Variants in DMD observed in about 807,000 individuals in gnomAD.
DMD encodes mutant dystrophin.
A neutral mutation model predicts 330.1 loss-of-function variants in DMD; 63 were observed. That is an observed-to-expected ratio of 0.19 (90% CI 0.16 to 0.24). The LOEUF is 0.24. Ranked by LOEUF, DMD falls within the 10% of genes least tolerant of loss-of-function variation. The pLI, the probability that DMD is intolerant of heterozygous loss-of-function variation, is 1.00. For missense variants in DMD, 3,344 were observed against 2,684.1 expected (o/e 1.25, Z -5.43); for synonymous variants, 1,223 against 959.8 (o/e 1.27, Z -5.07).
rs149671856 is a variant in DMD, at chrX:32,538,784, C to T, written c.2168+6375G>A. On this transcript the variant is annotated intron_variant, in intron 17 of 78. Coordinates refer to ENST00000357033, the MANE Select transcript of DMD (RefSeq NM_004006.3). ...TTAGAATTAGAAACTCTGGTGACTC[C>T]GACGCATGCTGAAGCATGAGAACCA... Among the ~76,000 whole-genome samples the T allele has an allele frequency of 5.9e-3, 653 of 111,015 alleles. 7 individuals are homozygous for T. Among genetic ancestry groups the T allele is most frequent in the African/African-American group, 0.02 (617 of 30,520 alleles).
rs1282811179 is a variant in DMD, at chrX:31,816,759, C to T, written c.7309+3216G>A. On this transcript the variant is annotated intron_variant, in intron 50 of 78. Coordinates refer to ENST00000357033, the MANE Select transcript of DMD (RefSeq NM_004006.3). ...GTTGTAGTAAACCGAGATCGCACCA[C>T]TGCACTCCAGCCTGGGCAACAGAGC... Among the ~76,000 whole-genome samples the T allele has an allele frequency of 4.0e-5, 4 of 98,793 alleles. No homozygotes were observed. The Admixed American group carries it at 4.5e-4, about 11-fold the overall frequency. 85.8% of individuals were successfully genotyped at this position (98,793 alleles called of 115,157 possible). A position where few individuals can be genotyped will look rare whatever the true frequency, so the allele number is the denominator to read the frequency against.
At chrX:32,949,372 A>AGATG (rs1483235347) in intron 2 of DMD, among the ~76,000 whole-genome samples, 11 of 107,673 alleles carry the variant, frequency 1.0e-4, no homozygotes, top group Non-Finnish European at 1.9e-4. Flanking sequence ...ATAGATAGAT[A>AGATG]GATAGATAGA....
intron 9 of DMD, among the ~76,000 whole-genome samples, chrX:32,649,466 G>C (rs1412236048): frequency 1.9e-5 from 2 of 105,598 alleles, no homozygotes; most frequent in Non-Finnish European, 3.8e-5. Flanking sequence ...GGTAGGAGGA[G>C]AAAGGCGTGA....
At chrX:32,749,583 G>A (rs901081155) in intron 7 of DMD, among the ~76,000 whole-genome samples, 7 of 112,038 alleles carry the variant, frequency 6.2e-5, no homozygotes, top group African/African-American at 2.3e-4. Context: ...ATTTTCCTAA[G>A]GAAATGGAAA....
At position 32,823,508 on chromosome X, in the gene DMD, G is replaced by C. The variant is rs1421162315; in HGVS notation, c.265-121C>G. ...CTATTTTCAGAGACTTAGCATTGAAGCTTTTTGAAAATAATCTAAAAATTA... is the reference window on the plus strand; with the variant it reads ...CTATTTTCAGAGACTTAGCATTGAACCTTTTTGAAAATAATCTAAAAATTA... On this transcript the variant is annotated intron_variant, in intron 4 of 78. Transcript: ENST00000357033. 5.8e-6 allele frequency: 3 copies of C among 514,642 alleles called. No homozygotes were observed. In the East Asian group the frequency reaches 1.1e-4, roughly 19 times the overall value. The allele number at this position is 514,642 out of a possible 1,213,427, so 42.4% of individuals were successfully genotyped here. A position where few individuals can be genotyped will look rare whatever the true frequency, so the allele number is the denominator to read the frequency against.
chrX:31,788,530 TAAG>T (rs2149302763), intron 50 of DMD, among the ~76,000 whole-genome samples: 1 of 111,652 alleles, frequency 9.0e-6, no homozygotes, highest in East Asian at 2.8e-4. Flanking sequence ...GTGCACTTGA[TAAG>T]AATGTATATT....
chrX:31,426,468 T>A (rs1300353783), intron 60 of DMD, among the ~76,000 whole-genome samples: 1 of 112,463 alleles, frequency 8.9e-6, no homozygotes, highest in Non-Finnish European at 1.9e-5. Context: ...GGCAAATATA[T>A]TATGAAGTCT....
chrX:32,004,743 A>G (rs2095649696), intron 44 of DMD, among the ~76,000 whole-genome samples: 1 of 111,231 alleles, frequency 9.0e-6, no homozygotes, highest in African/African-American at 3.3e-5. Flanking sequence ...TCTGCCAAAC[A>G]GATGCAGTAT....
rs189492871 is a variant in DMD, at chrX:33,089,967, G to A, written c.32-69767C>T. Among the ~76,000 whole-genome samples, 23 of 111,647 alleles carry A rather than the reference G, an allele frequency of 2.1e-4. No individual in the cohort carries two copies. In the Admixed American group the frequency reaches 2.1e-3, roughly 10 times the overall value. ...CAATCATACAACTATGAAGTTCCCT[G>A]ACATATTTAAGTATGTATCTATAAA... On this transcript the variant is annotated intron_variant, in intron 1 of 78. Transcript: ENST00000357033.
chrX:32,618,188 T>C (rs781653143), intron 11 of DMD, among the ~76,000 whole-genome samples: 1 of 112,086 alleles, frequency 8.9e-6, no homozygotes, highest in Non-Finnish European at 1.9e-5. Flanking sequence ...GGAATATAAA[T>C]CATTCTACCA....
intron 1 of DMD, among the ~76,000 whole-genome samples, chrX:33,032,724 T>C: frequency 8.9e-6 from 1 of 112,334 alleles, no homozygotes; most frequent in Admixed American, 9.4e-5. Context: ...TAGAAAACAA[T>C]TTAAGTGGAA....
chrX:32,307,531 G>C (rs1259096647), intron 42 of DMD, among the ~76,000 whole-genome samples: 3 of 111,651 alleles, frequency 2.7e-5, no homozygotes, highest in African/African-American at 9.7e-5. Flanking sequence ...GTCAGGAAAT[G>C]ATATGGGTGA....
chrX:32,712,520 G>A (rs1055313042), intron 7 of DMD, among the ~76,000 whole-genome samples: 29 of 111,306 alleles, frequency 2.6e-4, no homozygotes, highest in African/African-American at 9.5e-4. Context: ...GAAACACAGG[G>A]CCTATTTACA....
chrX:32,423,753 C>A (rs1209951245), intron 29 of DMD, among the ~76,000 whole-genome samples: 1 of 110,788 alleles, frequency 9.0e-6, no homozygotes, highest in Non-Finnish European at 1.9e-5. Flanking sequence ...ACATTCACCA[C>A]AGACCCTTTT....
chrX:31,809,245 T>C (rs1324469879), intron 50 of DMD, among the ~76,000 whole-genome samples: 1 of 106,742 alleles, frequency 9.4e-6, no homozygotes, highest in Non-Finnish European at 1.9e-5. Context: ...TATATAGAGA[T>C]ATAGCTATCT....
At chrX:32,410,580 G>A (rs1341429499) in intron 30 of DMD, among the ~76,000 whole-genome samples, 1 of 111,519 alleles carries the variant, frequency 9.0e-6, no homozygotes, top group African/African-American at 3.3e-5. Context: ...TTCACCAACT[G>A]GCAGGGAGAA....
intron 54 of DMD, among the ~76,000 whole-genome samples, chrX:31,634,374 T>C (rs1237578131): frequency 9.0e-6 from 1 of 111,495 alleles, no homozygotes; most frequent in East Asian, 2.8e-4. Flanking sequence ...TCCCAAAGTA[T>C]TGCTGATTAG....
intron 55 of DMD, among the ~76,000 whole-genome samples, chrX:31,603,682 T>G (rs2077479030): frequency 8.9e-6 from 1 of 112,273 alleles, no homozygotes; most frequent in African/African-American, 3.2e-5. Context: ...ATATCTTTCT[T>G]GCTCAGAAAG....
intron 74 of DMD, among the ~76,000 whole-genome samples, chrX:31,152,066 A>C (rs1444885789): frequency 3.6e-5 from 4 of 112,443 alleles, no homozygotes; most frequent in African/African-American, 1.3e-4. Flanking sequence ...AACTTCAATG[A>C]CTAGTTTTTT....
Sources: gnomAD v4.1 joint callset for allele counts (sites outside exome capture counted in the v4.1 genomes callset) on GRCh38, gnomAD v4.1.1 for gene constraint, MANE v1.5 for transcripts, NCBI Gene and HGNC (gene_info 2026-07-23, HGNC 2026-07-21) for gene names.